GAREM1: variants seen among roughly 807,000 people sequenced by gnomAD.
GAREM1 encodes the protein GRB2-associated and regulator of MAPK protein 1.
In GAREM1, 26 loss-of-function variants were observed where a neutral mutation model predicts 71.3. The ratio of observed to expected loss-of-function variants is 0.36; its 90% CI spans 0.27 to 0.51. The LOEUF (loss-of-function observed/expected upper bound fraction) is 0.51. Among genes scored for constraint, GAREM1 ranks in the 20% least tolerant of loss-of-function variants. The pLI is 0.95. For synonymous variants in GAREM1, 440 were observed against 433.2 expected, an observed-to-expected ratio of 1.02 and a Z score of -0.20; for missense variants, 1,026 against 1,103.1, an observed-to-expected ratio of 0.93 and a Z score of 0.99.
intron 1 of GAREM1, among the ~76,000 whole-genome samples, chr18:32,421,249 AGCACTTGGACCAG>A (rs562096667): frequency 3.5e-4 from 54 of 152,334 alleles, no homozygotes; most frequent in African/African-American, 1.2e-3. Context: ...GTAAATGCAA[AGCACTTGGACCAG>A]GCACTTGGTA....
intron 1 of GAREM1, among the ~76,000 whole-genome samples, chr18:32,447,360 G>T (rs2048794841): frequency 6.6e-6 from 1 of 151,920 alleles, no homozygotes; most frequent in Non-Finnish European, 1.5e-5. Context: ...CTCTACTTTT[G>T]AATTTTTACT....
intron 2 of GAREM1, 84 bp downstream of exon 2, chr18:32,392,811 T>C (rs3786309): frequency 0.49 from 705,415 of 1,431,734 alleles, 182,449 homozygotes; most frequent in Middle Eastern, 0.54. Context: ...CTTTCTAGTT[T>C]ACAGACAATT....
intron 2 of GAREM1, among the ~76,000 whole-genome samples, chr18:32,380,616 G>A (rs914822404): frequency 2.0e-5 from 3 of 151,902 alleles, no homozygotes; most frequent in Admixed American, 6.6e-5. Context: ...AAATATCTGG[G>A]TTTTCCAACT....
chr18:32,359,379 C>T (rs2047839236), intron 2 of GAREM1, among the ~76,000 whole-genome samples: 1 of 152,170 alleles, frequency 6.6e-6, no homozygotes, highest in African/African-American at 2.4e-5. Context: ...ACCGCATATA[C>T]TCACACTCCA....
chr18:32,292,707 G>T (rs1253973061), intron 3 of GAREM1, among the ~76,000 whole-genome samples: 1 of 152,144 alleles, frequency 6.6e-6, no homozygotes, highest in Non-Finnish European at 1.5e-5. Context: ...TCTCCATGAG[G>T]GCAAGTTTCC....
chr18:32,431,023 G>T (rs7228553), intron 1 of GAREM1, among the ~76,000 whole-genome samples: 37,366 of 151,956 alleles, frequency 0.25, 5,663 homozygotes, highest in African/African-American at 0.42. Context: ...TCCCTTTGTA[G>T]GAAAGCTTTG....
rs3875085 is a variant in GAREM1, at chr18:32,412,759, G to A, written c.122-19724C>T. The A allele has an allele frequency of 2.5e-4, 334 of 1,319,680 alleles. 2 individuals carry two copies. The African/African-American group carries it at 4.2e-3, about 16-fold the overall frequency. 81.7% of individuals were successfully genotyped at this position (1,319,680 alleles called of 1,614,324 possible). On this transcript the variant is annotated intron_variant, in intron 1 of 5. Coordinates refer to ENST00000269209, the MANE Select transcript of GAREM1 (RefSeq NM_001242409.2). ...AAGCCCCTTTTCTTGCCACTGCCTC[G>A]GTCAGTCATGATTTCAATCACTTCA...
chr18:32,309,383 A>C lies in GAREM1; in HGVS notation c.393+810T>G, dbSNP rs148226820. ...GTAATCCCAGCACTTTGGGAGGCCA[A>C]GGTGGGCAGATCACGAGGTCAGGAG... On this transcript the variant is annotated intron_variant, in intron 3 of 5. Coordinates refer to ENST00000269209, the MANE Select transcript of GAREM1 (RefSeq NM_001242409.2). 4.4e-3 allele frequency among the ~76,000 whole-genome samples: 659 copies of C among 149,222 alleles called. 50 individuals carry two copies. The highest frequency in any genetic ancestry group is 0.016 in the African/African-American group (636 of 40,082).
intron 2 of GAREM1, among the ~76,000 whole-genome samples, chr18:32,349,654 T>C (rs1247026137): frequency 6.6e-6 from 1 of 152,224 alleles, no homozygotes; most frequent in African/African-American, 2.4e-5. Context: ...GAGAATACTA[T>C]TAATAAAATT....
chr18:32,355,587 T>G (rs574732194), intron 2 of GAREM1, among the ~76,000 whole-genome samples: 1 of 152,306 alleles, frequency 6.6e-6, no homozygotes, highest in African/African-American at 2.4e-5. Context: ...TTTATTTCAT[T>G]TTTATCTTTT....
intron 2 of GAREM1, among the ~76,000 whole-genome samples, chr18:32,375,182 C>T (rs1457315117): frequency 1.3e-5 from 2 of 152,052 alleles, no homozygotes; most frequent in Admixed American, 1.3e-4. Flanking sequence ...ATTATTATCA[C>T]TATTTAAACA....
Position 32,400,604 on chromosome 18 carries a change from C to T in GAREM1, c.122-7569G>A, listed in dbSNP as rs575890323. On this transcript the variant is annotated intron_variant, in intron 1 of 5. Transcript: ENST00000269209. ...ATCATCACTGGCCATCAGAGACATG[C>T]AAATCAAAACCACAATAAGATACCA... is the stretch of plus-strand genomic sequence containing the variant. Among the ~76,000 whole-genome samples, 14 of 152,298 alleles carry T rather than the reference C, an allele frequency of 9.2e-5. No homozygotes were observed. The South Asian group carries it at 2.9e-3, about 32-fold the overall frequency.
At chr18:32,397,479 C>CA (rs2048268847) in intron 1 of GAREM1, among the ~76,000 whole-genome samples, 1 of 151,458 alleles carries the variant, frequency 6.6e-6, no homozygotes, top group African/African-American at 2.4e-5. Context: ...AAATGGAAAA[C>CA]AAAAAAAGGC....
At chr18:32,278,222 T>A (rs948950503) in intron 4 of GAREM1, among the ~76,000 whole-genome samples, 1 of 152,180 alleles carries the variant, frequency 6.6e-6, no homozygotes, top group Non-Finnish European at 1.5e-5. Context: ...TGGTGGGTGC[T>A]CAACTCTTAC....
chr18:32,334,517 T>C (rs2047569504), intron 2 of GAREM1, among the ~76,000 whole-genome samples: 1 of 152,288 alleles, frequency 6.6e-6, no homozygotes, highest in East Asian at 1.9e-4. Flanking sequence ...AAGGAACAGA[T>C]GCAGAGGGAG....
At chr18:32,425,917 C>G (rs1389600383) in intron 1 of GAREM1, among the ~76,000 whole-genome samples, 1 of 152,124 alleles carries the variant, frequency 6.6e-6, no homozygotes, top group African/African-American at 2.4e-5. Context: ...AGATTCACAA[C>G]TCCTTTACCC....
At chr18:32,364,665 T>G (rs1427912005) in intron 2 of GAREM1, among the ~76,000 whole-genome samples, 1 of 152,192 alleles carries the variant, frequency 6.6e-6, no homozygotes, top group Admixed American at 6.5e-5. Context: ...ATATTTCTAG[T>G]GAACAAATTA....
intron 2 of GAREM1, among the ~76,000 whole-genome samples, chr18:32,327,458 C>A (rs1018797645): frequency 6.6e-6 from 1 of 152,030 alleles, no homozygotes; most frequent in Non-Finnish European, 1.5e-5. Context: ...AAAGACTATA[C>A]ACAGAAAATT....
At chr18:32,407,684 T>C (rs2048377493) in intron 1 of GAREM1, among the ~76,000 whole-genome samples, 1 of 152,116 alleles carries the variant, frequency 6.6e-6, no homozygotes, top group Non-Finnish European at 1.5e-5. Context: ...ATTGAGGGAA[T>C]GTAGATGACA....
Sources: gnomAD v4.1 joint callset for allele counts (sites outside exome capture counted in the v4.1 genomes callset) on GRCh38, gnomAD v4.1.1 for gene constraint, MANE v1.5 for transcripts, NCBI Gene and HGNC (gene_info 2026-07-23, HGNC 2026-07-21) for gene names.